Variants in GAB1 observed in about 807,000 individuals in gnomAD.
The protein encoded by GAB1 is GRB2 associated binding protein 1.
GAB1 carries 19 observed loss-of-function variants against 66.5 expected under a neutral mutation model. That is an observed-to-expected ratio of 0.29 (90% confidence interval 0.20 to 0.42). The LOEUF (loss-of-function observed/expected upper bound fraction) is 0.42, where lower values mean the gene tolerates loss of function less well. Among genes scored for constraint, GAB1 ranks in the 10% least tolerant of loss-of-function variants. The pLI is 1.00. For synonymous variants in GAB1, 294 were observed against 301.4 expected (o/e 0.98, Z 0.25); for missense variants, 732 against 858.5 (o/e 0.85, Z 1.84).
intron 1 of GAB1, among the ~76,000 whole-genome samples, chr4:143,405,475 T>G (rs1396535525): frequency 1.3e-5 from 2 of 152,208 alleles, no homozygotes. Context: ...GCTGAATTCT[T>G]ACAACAATAA....
intron 3 of GAB1, among the ~76,000 whole-genome samples, chr4:143,436,070 A>T (rs1363355531): frequency 1.3e-5 from 2 of 152,246 alleles, no homozygotes; most frequent in Non-Finnish European, 2.9e-5. Flanking sequence ...AATGAAGTAC[A>T]AATTTTAGAA....
intron 1 of GAB1, among the ~76,000 whole-genome samples, chr4:143,354,841 T>TA (rs1729378769): frequency 6.6e-6 from 1 of 152,248 alleles, no homozygotes; most frequent in Non-Finnish European, 1.5e-5. Context: ...TCTTTTATAG[T>TA]AGCTTTTATG....
intron 2 of GAB1, among the ~76,000 whole-genome samples, chr4:143,433,113 G>A (rs1733762501): frequency 6.6e-6 from 1 of 152,106 alleles, no homozygotes; most frequent in Non-Finnish European, 1.5e-5. Flanking sequence ...TAATTAAATG[G>A]GTCTCCTTGG....
intron 1 of GAB1, among the ~76,000 whole-genome samples, chr4:143,377,524 AG>A (rs1730471144): frequency 6.6e-6 from 1 of 152,194 alleles, no homozygotes; most frequent in Non-Finnish European, 1.5e-5. Flanking sequence ...GATCTTTTGG[AG>A]GACCTCAGGA....
chr4:143,394,357 A>C (rs1731334901), intron 1 of GAB1, among the ~76,000 whole-genome samples: 1 of 152,214 alleles, frequency 6.6e-6, no homozygotes, highest in Non-Finnish European at 1.5e-5. Context: ...TTTTCAAGGA[A>C]GTCCAGTGTT....
In GAB1 at chr4:143,473,821, C is replaced by G. The variant is rs1736176665; in HGVS notation, c.*4632C>G. The G allele has an allele frequency of 6.6e-6, 1 of 152,194 alleles. No individual in the cohort carries two copies. The highest frequency in any genetic ancestry group is 6.5e-5 in the Admixed American group (1 of 15,270). The allele number at this position is 152,194 out of a possible 1,614,324, so 9.4% of individuals were successfully genotyped here. On this transcript the variant is annotated 3_prime_UTR_variant, in exon 10 of 10. Transcript: ENST00000262994. ...CTTTGGTCCACTCAGCCCACCCAGC[C>G]CACTTGCAACTCTGACTCTTCACTG...
rs11316624 is a variant in GAB1, at chr4:143,451,899, T to TA, written c.1586-7474dup. On this transcript the variant is annotated intron_variant, in intron 6 of 9. Transcript: ENST00000262994. ...AAAACAGGTAAATGAAGTGCTCATT[T>TA]AAAAAAAAAAAATCAGACAAACAAT... Among the ~76,000 whole-genome samples, 190 of 148,962 alleles carry TA rather than the reference T, an allele frequency of 1.3e-3. 3 individuals carry two copies. The East Asian group carries it at 0.024, about 18-fold the overall frequency.
At chr4:143,446,374 T>C (rs989583662) in intron 6 of GAB1, among the ~76,000 whole-genome samples, 221 of 152,222 alleles carry the variant, frequency 1.5e-3, no homozygotes, top group Non-Finnish European at 2.1e-3. Context: ...GCCACACTGA[T>C]TTCCACAATG....
At chr4:143,365,698 T>G (rs1278956573) in intron 1 of GAB1, among the ~76,000 whole-genome samples, 1 of 152,232 alleles carries the variant, frequency 6.6e-6, no homozygotes, top group African/African-American at 2.4e-5. Flanking sequence ...GTGGTTAGTG[T>G]CTGTTGGAAC....
chr4:143,415,430 C>T (rs746314625), intron 1 of GAB1, 47 bp from the exon 2 acceptor site: 1 of 1,395,246 alleles, frequency 7.2e-7, no homozygotes, highest in Non-Finnish European at 9.8e-7. Context: ...TTCTTGAAAA[C>T]ATTATCTCAA....
At chr4:143,387,089 G>T (rs895777131) in intron 1 of GAB1, among the ~76,000 whole-genome samples, 22 of 152,094 alleles carry the variant, frequency 1.4e-4, no homozygotes, top group Non-Finnish European at 3.2e-4. Flanking sequence ...GTGGCCCATG[G>T]GGCAGTGAGT....
chr4:143,424,903 CA>C (rs1242072876), intron 2 of GAB1: 1 of 517,364 alleles, frequency 1.9e-6, no homozygotes, highest in African/African-American at 1.9e-5. Flanking sequence ...TGCAGTGAGC[CA>C]AGATTGTTTC....
At chr4:143,400,335 T>C (rs1291129337) in intron 1 of GAB1, among the ~76,000 whole-genome samples, 1 of 151,472 alleles carries the variant, frequency 6.6e-6, no homozygotes, top group Non-Finnish European at 1.5e-5. Context: ...AAAAGGGGGG[T>C]GGTTATGGCT....
At chr4:143,364,812 T>A (rs1729807371) in intron 1 of GAB1, among the ~76,000 whole-genome samples, 1 of 151,174 alleles carries the variant, frequency 6.6e-6, no homozygotes, top group Admixed American at 6.6e-5. Context: ...GGCATCGAGA[T>A]CTGTGAAAAG....
At chr4:143,364,766 C>G (rs1046428574) in intron 1 of GAB1, among the ~76,000 whole-genome samples, 4 of 151,760 alleles carry the variant, frequency 2.6e-5, no homozygotes, top group African/African-American at 9.7e-5. Flanking sequence ...CCCCGCGTCC[C>G]ACATCAATGC....
chr4:143,423,470 T>G (rs112354577), intron 2 of GAB1, among the ~76,000 whole-genome samples: 18,841 of 151,788 alleles, frequency 0.12, 2,788 homozygotes, highest in African/African-American at 0.36. Context: ...GGCTGAGGCA[T>G]GTGGATGATG....
chr4:143,348,855 G>A (rs1177576459), intron 1 of GAB1, among the ~76,000 whole-genome samples: 3 of 152,064 alleles, frequency 2.0e-5, no homozygotes, highest in Admixed American at 6.6e-5. Context: ...GATCAGCTCT[G>A]AGATCTCTCT....
chr4:143,378,479 C>G (rs1323826939), intron 1 of GAB1, among the ~76,000 whole-genome samples: 2 of 152,112 alleles, frequency 1.3e-5, no homozygotes, highest in South Asian at 4.1e-4. Flanking sequence ...TTTCTTGACA[C>G]TCATATATTA....
At chr4:143,359,458 A>G (rs184650105) in intron 1 of GAB1, among the ~76,000 whole-genome samples, 3 of 152,348 alleles carry the variant, frequency 2.0e-5, no homozygotes, top group Admixed American at 2.0e-4. Context: ...CCCTCGGTGT[A>G]TAATGAGAGA....
Sources: allele counts gnomAD v4.1 joint callset (sites outside exome capture counted in the v4.1 genomes callset), GRCh38; gene constraint gnomAD v4.1.1; transcripts MANE v1.5; gene names NCBI Gene and HGNC (gene_info 2026-07-23, HGNC 2026-07-21).